Variants in GALNT17 observed in about 807,000 individuals in gnomAD.
The protein encoded by GALNT17 is polypeptide N-acetylgalactosaminyltransferase 17.
GALNT17 carries 29 observed loss-of-function variants against 63.7 expected under a neutral mutation model. That is an observed-to-expected ratio of 0.46 (90% CI 0.34 to 0.62). The LOEUF (loss-of-function observed/expected upper bound fraction) is 0.62. GALNT17 is among the 20% of genes least tolerant of loss of function. GALNT17 has a pLI of 0.01. For missense variants in GALNT17, 603 were observed against 799.6 expected, an observed-to-expected ratio of 0.75 and a Z score of 2.97; for synonymous variants, 305 against 318.3, an observed-to-expected ratio of 0.96 and a Z score of 0.45.
chr7:71,590,194 T>G lies in GALNT17; in HGVS notation c.1080+18792T>G, dbSNP rs1207910434. Reference sequence around the variant, plus strand: ...TAGTTCAAGAAATAGAACTGCAATGTTGATATTTTTATAAATGATGTCTAA... The same window carrying G: ...TAGTTCAAGAAATAGAACTGCAATGGTGATATTTTTATAAATGATGTCTAA... On this transcript the variant is annotated intron_variant, in intron 6 of 10. Coordinates refer to ENST00000333538, the MANE Select transcript of GALNT17 (RefSeq NM_022479.3). 2.6e-5 allele frequency among the ~76,000 whole-genome samples: 4 copies of G among 152,202 alleles called. No homozygotes were observed. The East Asian group carries it at 7.7e-4, about 29-fold the overall frequency.
chr7:71,635,508 A>T (rs938121012), intron 6 of GALNT17, among the ~76,000 whole-genome samples: 4 of 152,196 alleles, frequency 2.6e-5, no homozygotes, highest in Non-Finnish European at 5.9e-5. Context: ...TTTTGTTTAC[A>T]CATTATATTT....
chr7:71,687,296 C>T (rs560208845), intron 9 of GALNT17, among the ~76,000 whole-genome samples: 5 of 152,290 alleles, frequency 3.3e-5, no homozygotes, highest in South Asian at 4.2e-4. Context: ...ATCTTTTAAG[C>T]GATACATCAT....
intron 5 of GALNT17, among the ~76,000 whole-genome samples, chr7:71,437,015 T>C (rs936233856): frequency 6.6e-6 from 1 of 152,162 alleles, no homozygotes; most frequent in Non-Finnish European, 1.5e-5. Context: ...AGCAGCCACA[T>C]CTTCGACTCG....
At chr7:71,139,853 C>T (rs559060910) in intron 1 of GALNT17, among the ~76,000 whole-genome samples, 6 of 152,148 alleles carry the variant, frequency 3.9e-5, no homozygotes, top group South Asian at 4.1e-4. Flanking sequence ...ATAAGCCAGG[C>T]GTGGTGACGG....
chr7:71,345,862 T>C (rs112322406), intron 2 of GALNT17, among the ~76,000 whole-genome samples: 23 of 151,974 alleles, frequency 1.5e-4, no homozygotes, highest in African/African-American at 4.8e-4. Flanking sequence ...GGTCGGTTTT[T>C]ATATAGGGTG....
intron 5 of GALNT17, among the ~76,000 whole-genome samples, chr7:71,442,599 A>G (rs1482914897): frequency 1.3e-5 from 2 of 152,168 alleles, no homozygotes; most frequent in East Asian, 1.9e-4. Flanking sequence ...GGCTGCCAAC[A>G]TGACTCTAAA....
intron 6 of GALNT17, among the ~76,000 whole-genome samples, chr7:71,656,779 T>C (rs796421634): frequency 2.0e-5 from 3 of 152,174 alleles, no homozygotes; most frequent in African/African-American, 7.2e-5. Context: ...AGGGAGGAAG[T>C]GGTGAGGATG....
intron 6 of GALNT17, among the ~76,000 whole-genome samples, chr7:71,582,433 A>G (rs1210903305): frequency 6.7e-6 from 1 of 148,744 alleles, no homozygotes; most frequent in Non-Finnish European, 1.5e-5. Context: ...AAAAAAAAAA[A>G]TAGCTGGGCA....
At chr7:71,596,973 C>G (rs1213494629) in intron 6 of GALNT17, among the ~76,000 whole-genome samples, 1 of 152,024 alleles carries the variant, frequency 6.6e-6, no homozygotes, top group African/African-American at 2.4e-5. Context: ...GAATCACTTG[C>G]AGCTAGGAGT....
intron 5 of GALNT17, among the ~76,000 whole-genome samples, chr7:71,471,510 G>A (rs893432027): frequency 1.1e-4 from 17 of 151,896 alleles, no homozygotes; most frequent in African/African-American, 4.1e-4. Flanking sequence ...AGGGAAGGCT[G>A]TGTCACAAGC....
At chr7:71,346,202 G>T (rs2116153063) in intron 2 of GALNT17, among the ~76,000 whole-genome samples, 1 of 151,446 alleles carries the variant, frequency 6.6e-6, no homozygotes, top group South Asian at 2.1e-4. Flanking sequence ...ACATGTGACA[G>T]TGTGTGTGTA....
chr7:71,701,908 T>TACAC (rs1791654675), intron 9 of GALNT17, among the ~76,000 whole-genome samples: 1 of 104,556 alleles, frequency 9.6e-6, no homozygotes, highest in African/African-American at 4.0e-5. Context: ...CATATATATA[T>TACAC]ATACATATAT....
rs73177437 is a variant in GALNT17, at chr7:71,482,729, A to T, written c.962+61624A>T. On this transcript the variant is annotated intron_variant, in intron 5 of 10. Coordinates refer to ENST00000333538, the MANE Select transcript of GALNT17 (RefSeq NM_022479.3). ...TAAAGCAGCAGCCCCCAATCTTTTT[A>T]GCACTAGGGGCCGGTTTTGTGAAAG... Among the ~76,000 whole-genome samples the T allele has an allele frequency of 8.3e-3, 1,270 of 152,298 alleles. 10 individuals carry two copies. Among genetic ancestry groups the T allele is most frequent in the Non-Finnish European group, 0.014 (984 of 68,006 alleles).
chr7:71,275,000 A>G (rs1208682588), intron 1 of GALNT17, among the ~76,000 whole-genome samples: 2 of 152,198 alleles, frequency 1.3e-5, no homozygotes, highest in African/African-American at 4.8e-5. Flanking sequence ...CTGGGTCACC[A>G]TAGTGGGGGC....
intron 7 of GALNT17, among the ~76,000 whole-genome samples, chr7:71,669,436 G>A (rs845046): frequency 0.76 from 114,745 of 151,914 alleles, 45,666 homozygotes; most frequent in Non-Finnish European, 0.89. Flanking sequence ...GCTTGAACCC[G>A]GGAGGCCAAG....
intron 6 of GALNT17, among the ~76,000 whole-genome samples, chr7:71,648,965 C>T (rs1311559009): frequency 2.6e-5 from 4 of 152,214 alleles, no homozygotes; most frequent in African/African-American, 9.7e-5. Context: ...AAGCATGAAG[C>T]CTTATGGGCC....
At chr7:71,301,099 G>A (rs1791187014) in intron 1 of GALNT17, among the ~76,000 whole-genome samples, 1 of 151,780 alleles carries the variant, frequency 6.6e-6, no homozygotes, top group Admixed American at 6.6e-5. Flanking sequence ...AGCAGTCTGG[G>A]CAACATAACA....
intron 1 of GALNT17, among the ~76,000 whole-genome samples, chr7:71,141,840 C>CTG (rs34121771): frequency 0.086 from 10,780 of 124,990 alleles, 683 homozygotes; most frequent in African/African-American, 0.16. Context: ...CCACGTCTGG[C>CTG]TGTGTGTGTG....
intron 1 of GALNT17, among the ~76,000 whole-genome samples, chr7:71,296,715 C>T (rs116604983): frequency 0.021 from 2,995 of 145,788 alleles, 112 homozygotes; most frequent in African/African-American, 0.07. Flanking sequence ...AAAAAAAAAA[C>T]GTGTTTTTTT....
Sources: allele counts gnomAD v4.1 joint callset (sites outside exome capture counted in the v4.1 genomes callset), GRCh38; gene constraint gnomAD v4.1.1; transcripts MANE v1.5; gene names NCBI Gene and HGNC (gene_info 2026-07-23, HGNC 2026-07-21).